Variants in LMNA observed in about 807,000 individuals in gnomAD.
LMNA encodes lamin.
Under a neutral mutation model 70.4 loss-of-function variants are expected in LMNA, and 20 were observed. That is an observed-to-expected ratio of 0.28 (90% CI 0.20 to 0.41). The LOEUF (loss-of-function observed/expected upper bound fraction) is 0.41, where lower values mean the gene tolerates loss of function less well. Ranked by LOEUF, LMNA falls within the 10% of genes least tolerant of loss-of-function variation. The probability of loss-of-function intolerance (pLI) is 1.00; values close to 1 mark genes in which losing one functional copy is unlikely to be tolerated. For missense variants in LMNA, 652 were observed against 917.2 expected (o/e 0.71, Z 3.73); for synonymous variants, 339 against 372.8 (o/e 0.91, Z 1.04).
intron 1 of LMNA, chr1:156,126,513 T>C (rs1650589365): frequency 2.9e-6 from 2 of 687,998 alleles, no homozygotes; most frequent in Non-Finnish European, 5.4e-6. Context: ...CCTGGCCCGG[T>C]GCCCACCTAG....
rs562905208 is a variant in LMNA, at chr1:156,103,564, G to A, written c.-206-11149G>A. ...CTTGAGGAGGAGATGGGAGGGCAGC[G>A]CATACCCCTAGCCAACCCCTCCTTG... is the stretch of plus-strand genomic sequence containing the variant. On this transcript the variant is annotated intron_variant, in intron 3 of 12. Coordinates refer to the LMNA transcript ENST00000368301. The surrounding 1 kb of genome is among the most constrained non-coding windows in gnomAD (Gnocchi z 4.7). Among the ~76,000 whole-genome samples the A allele has an allele frequency of 2.4e-4, 37 of 152,232 alleles. No homozygotes were observed. Among genetic ancestry groups the A allele is most frequent in the Non-Finnish European group, 5.0e-4 (34 of 67,990 alleles).
intron 2 of LMNA, among the ~76,000 whole-genome samples, chr1:156,133,609 T>C (rs1168511802): frequency 1.3e-5 from 2 of 151,738 alleles, no homozygotes; most frequent in East Asian, 3.9e-4. Flanking sequence ...AATCTAAGCG[T>C]GGTGCTCCCC....
At chr1:156,112,034 G>C (rs1649558938), upstream of LMNA, among the ~76,000 whole-genome samples, 1 of 152,226 alleles carries the variant, frequency 6.6e-6, no homozygotes, top group Non-Finnish European at 1.5e-5. Flanking sequence ...AGGCCATTTT[G>C]ATGGTGGTCG....
chr1:156,135,011 C>T lies in LMNA; in HGVS notation c.810+36C>T, dbSNP rs772405351. On this transcript the variant is annotated intron_variant, in intron 4 of 11. Coordinates refer to ENST00000368300, the MANE Select transcript of LMNA (RefSeq NM_170707.4). This position sits in a 1 kb window ranked among gnomAD's most constrained non-coding sequence, Gnocchi z 4.8. ...TCGATTGGTTCCCTCACTGCCTCTG[C>T]CCTTGGCAGCCCTACCCTTACCCAC... 1.2e-6 allele frequency: 2 copies of T among 1,613,460 alleles called. No homozygotes were observed. The highest frequency in any genetic ancestry group is 1.1e-5 in the South Asian group (1 of 91,022).
chr1:156,102,454 G>A (rs1649175518), intron 3 of LMNA, among the ~76,000 whole-genome samples: 2 of 152,288 alleles, frequency 1.3e-5, no homozygotes, highest in South Asian at 4.1e-4. Flanking sequence ...GAGCACCCAA[G>A]GGCTCATTCT....
At chr1:156,121,825 T>A (rs1650209165) in intron 1 of LMNA, among the ~76,000 whole-genome samples, 1 of 152,028 alleles carries the variant, frequency 6.6e-6, no homozygotes, top group Non-Finnish European at 1.5e-5. Context: ...TTATAGGAGA[T>A]CTCTGGAAGA....
chr1:156,114,429 G>A (rs1649659941), upstream of LMNA, among the ~76,000 whole-genome samples: 1 of 151,992 alleles, frequency 6.6e-6, no homozygotes, highest in Admixed American at 6.5e-5. Flanking sequence ...TCCCTCCTTG[G>A]CTCTGCCCTC....
rs1650973752 is a variant in LMNA at position 156,130,648 on chromosome 1, G to T, written c.388G>T (p.Ala130Ser). Residue 130 changes from alanine (A) to serine (S), a missense_variant, in exon 2 of 12, where the codon GCT becomes TCT. Ala to Ser is a moderately conservative substitution (Grantham distance 99). Transcript: ENST00000368300. The part of the protein sequence containing the change: ...NTKKEGDLIA[A>S]QARLKDLEAL... ...CAAGAAGGAGGGTGACCTGATAGCT[G>T]CTCAGGCTCGGCTGAAGGACCTGGA... 6.2e-7 allele frequency: 1 copy of T among 1,614,016 alleles called. No individual in the cohort carries two copies. The highest frequency in any genetic ancestry group is 1.3e-5 in the African/African-American group (1 of 75,046).
chr1:156,112,693 A>C (rs985330414), upstream of LMNA, among the ~76,000 whole-genome samples: 9 of 152,244 alleles, frequency 5.9e-5, no homozygotes, highest in East Asian at 1.2e-3. Context: ...AGTGCTCACC[A>C]TGCTGCCCAG....
chr1:156,137,134 G>A lies in LMNA; in HGVS notation c.1510G>A (p.Ala504Thr), dbSNP rs769637371. 3 of 1,613,648 alleles carry A rather than the reference G, an allele frequency of 1.9e-6. No homozygotes were observed. The highest frequency in any genetic ancestry group is 3.3e-5 in the Admixed American group (2 of 60,002). ...VVTIWAAGAG[A>T]THSPPTDLVW... ...CCAGATCTGGGCTGCAGGAGCTGGG[G>A]CCACCCACAGCCCCCCTACCGACCT... Residue 504 changes from alanine (A) to threonine (T), a missense_variant, in exon 9 of 12, where the codon GCC (alanine) becomes ACC (threonine). Physicochemically the swap from Ala to Thr is moderately conservative, Grantham distance 58 (BLOSUM62 0). Coordinates refer to ENST00000368300, the MANE Select transcript of LMNA (RefSeq NM_170707.4). The surrounding 1 kb of genome is among the most constrained non-coding windows in gnomAD (Gnocchi z 4.6).
At chr1:156,130,540 C>G (rs1289182373) in intron 1 of LMNA, 77 bp from the exon 2 acceptor site, 23 of 1,501,474 alleles carry the variant, frequency 1.5e-5, no homozygotes, top group Non-Finnish European at 1.8e-5. Context: ...GCCCCCATGG[C>G]TGACCTCCTG....
At chr1:156,130,341 C>T (rs983010513) in intron 1 of LMNA, among the ~76,000 whole-genome samples, 1 of 152,226 alleles carries the variant, frequency 6.6e-6, no homozygotes, top group South Asian at 2.1e-4. Context: ...GCATTCATAT[C>T]ACGGGGTAGA....
At chr1:156,106,455 C>T (rs1376435469) in intron 3 of LMNA, among the ~76,000 whole-genome samples, 1 of 152,262 alleles carries the variant, frequency 6.6e-6, no homozygotes, top group East Asian at 1.9e-4. Context: ...CACACAGACT[C>T]ACACGCGGCC....
intron 2 of LMNA, among the ~76,000 whole-genome samples, chr1:156,131,009 C>T (rs1284954906): frequency 3.3e-5 from 5 of 152,266 alleles, no homozygotes; most frequent in East Asian, 1.9e-4. Flanking sequence ...TGGTGGTTCA[C>T]GCCTGTAATC....
At chr1:156,124,208 A>C (rs1179455733) in intron 1 of LMNA, among the ~76,000 whole-genome samples, 1 of 152,072 alleles carries the variant, frequency 6.6e-6, no homozygotes, top group African/African-American at 2.4e-5. Flanking sequence ...TATGATATTC[A>C]GAACTTCACA....
In LMNA at chr1:156,134,288, TG is replaced by T; in HGVS notation, c.514-113del. On this transcript the variant is annotated intron_variant, in intron 2 of 11. Coordinates refer to ENST00000368300, the MANE Select transcript of LMNA (RefSeq NM_170707.4). This position sits in a 1 kb window ranked among gnomAD's most constrained non-coding sequence, Gnocchi z 5.3. ...GCAGGCATCCAAGGCCCTCCTTCCCTGGACCTGTTTCCACATGTGTGAAGGG... is the reference window on the plus strand; with the variant it reads ...GCAGGCATCCAAGGCCCTCCTTCCCTGACCTGTTTCCACATGTGTGAAGGG... The T allele has an allele frequency of 8.3e-7, 1 of 1,201,958 alleles. No homozygotes were observed. The highest frequency in any genetic ancestry group is 1.2e-6 in the Non-Finnish European group (1 of 835,762). 74.5% of individuals were successfully genotyped at this position (1,201,958 alleles called of 1,614,324 possible).
intron 3 of LMNA, among the ~76,000 whole-genome samples, chr1:156,097,952 C>G (rs982660689): frequency 6.6e-5 from 10 of 151,020 alleles, no homozygotes; most frequent in African/African-American, 2.4e-4. Flanking sequence ...TGTGTGCGTG[C>G]GTGTGTGTGT....
rs1651763200 is a variant in LMNA, at chr1:156,137,520, A to C, written c.1609-134A>C. ...AAATGAGTTCCTTAGCTCCATCACC[A>C]CAGAGGACAGAGTAAGCAGCAGGCC... On this transcript the variant is annotated intron_variant, in intron 9 of 11. Coordinates refer to ENST00000368300, the MANE Select transcript of LMNA (RefSeq NM_170707.4). This position sits in a 1 kb window ranked among gnomAD's most constrained non-coding sequence, Gnocchi z 4.6. 1.1e-6 allele frequency: 1 copy of C among 895,130 alleles called. No homozygotes were observed. The highest frequency in any genetic ancestry group is 1.8e-6 in the Non-Finnish European group (1 of 561,174). The allele number at this position is 895,130 out of a possible 1,614,324, so 55.4% of individuals were successfully genotyped here.
intron 3 of LMNA, among the ~76,000 whole-genome samples, chr1:156,098,852 G>A (rs1262701839): frequency 6.6e-6 from 1 of 152,214 alleles, no homozygotes; most frequent in Non-Finnish European, 1.5e-5. Context: ...GGGAGAGAAA[G>A]GGAGGAACAT....
Sources: gnomAD v4.1 joint callset for allele counts (sites outside exome capture counted in the v4.1 genomes callset) on GRCh38, gnomAD v4.1.1 for gene constraint, Gnocchi (gnomAD v3.1) non-coding constraint, MANE v1.5 for transcripts, NCBI Gene and HGNC (gene_info 2026-07-23, HGNC 2026-07-21) for gene names.